Variants in CSMD1 observed in about 807,000 individuals in gnomAD.
The protein encoded by CSMD1 is CUB and Sushi multiple domains 1, also known as CUB and sushi domain-containing protein 1.
In CSMD1, 213 loss-of-function variants were observed where a neutral mutation model predicts 417.5. The ratio of observed to expected loss-of-function variants is 0.51; its 90% CI spans 0.46 to 0.57. The LOEUF (loss-of-function observed/expected upper bound fraction) is 0.57, where lower values mean the gene tolerates loss of function less well. Ranked by LOEUF, CSMD1 falls within the 20% of genes least tolerant of loss-of-function variation. CSMD1 has a pLI of 0.00. For synonymous variants in CSMD1, 2,862 were observed against 1,736.8 expected (o/e 1.65, Z -16.11); for missense variants, 6,923 against 4,529.7 (o/e 1.53, Z -15.17).
At chr8:4,665,549 G>C (rs62484564) in intron 1 of CSMD1, among the ~76,000 whole-genome samples, 7,383 of 152,204 alleles carry the variant, frequency 0.049, 232 homozygotes, top group Middle Eastern at 0.11. Context: ...CTGGTTATCA[G>C]TGATATGATT....
chr8:4,147,324 C>T (rs1361395637), intron 3 of CSMD1, among the ~76,000 whole-genome samples: 1 of 152,248 alleles, frequency 6.6e-6, no homozygotes, highest in South Asian at 2.1e-4. Context: ...CTTCTGTATG[C>T]TCACCTGTCT....
At chr8:3,748,683 C>T (rs1797173476) in intron 6 of CSMD1, among the ~76,000 whole-genome samples, 1 of 152,196 alleles carries the variant, frequency 6.6e-6, no homozygotes, top group African/African-American at 2.4e-5. Flanking sequence ...ATGGGGAATG[C>T]ATACGTTTTA....
intron 10 of CSMD1, among the ~76,000 whole-genome samples, chr8:3,537,687 G>C (rs887425707): frequency 6.6e-6 from 1 of 151,962 alleles, no homozygotes; most frequent in Non-Finnish European, 1.5e-5. Context: ...ACAATACTTT[G>C]TATTTGCAAA....
chr8:4,569,752 T>C (rs1798793382), intron 2 of CSMD1, among the ~76,000 whole-genome samples: 1 of 152,224 alleles, frequency 6.6e-6, no homozygotes, highest in Non-Finnish European at 1.5e-5. Context: ...TTTCACAATA[T>C]TGATTCTTTC....
At chr8:3,346,769 A>C (rs1808029653) in intron 22 of CSMD1, among the ~76,000 whole-genome samples, 1 of 152,188 alleles carries the variant, frequency 6.6e-6, no homozygotes, top group Non-Finnish European at 1.5e-5. Flanking sequence ...ATTCTCTTAG[A>C]AGTCTCATAG....
intron 12 of CSMD1, among the ~76,000 whole-genome samples, chr8:3,444,181 A>T (rs558524527): frequency 6.6e-6 from 1 of 152,186 alleles, no homozygotes. Context: ...TAATGTTGAA[A>T]TATCATTTGC....
intron 2 of CSMD1, among the ~76,000 whole-genome samples, chr8:4,468,790 A>G (rs913718546): frequency 6.6e-6 from 1 of 152,206 alleles, no homozygotes; most frequent in Non-Finnish European, 1.5e-5. Context: ...TGTTTTTCAT[A>G]TAATGGATAA....
rs1369205232 is a variant in CSMD1, at chr8:4,876,704, T to TATA, written c.85+117627_85+117628insTAT. ...TGCATATAGTCTCCTTCTGTGCTAA[T>TATA]TTCTAAGACAATATCATGACCTCTT... On this transcript the variant is annotated intron_variant, in intron 1 of 69. Transcript: ENST00000635120. Among the ~76,000 whole-genome samples, 11 of 152,214 alleles carry TATA rather than the reference T, an allele frequency of 7.2e-5. No individual in the cohort carries two copies. The East Asian group carries it at 1.7e-3, about 24-fold the overall frequency.
At chr8:4,979,407 G>A (rs567159819) in intron 1 of CSMD1, among the ~76,000 whole-genome samples, 1 of 152,286 alleles carries the variant, frequency 6.6e-6, no homozygotes, top group South Asian at 2.1e-4. Context: ...GCCACACTAT[G>A]AGGAGGAGAG....
intron 62 of CSMD1, among the ~76,000 whole-genome samples, chr8:2,959,019 T>C (rs1283393403): frequency 6.6e-6 from 1 of 152,234 alleles, no homozygotes; most frequent in Non-Finnish European, 1.5e-5. Flanking sequence ...TACAAATTTA[T>C]CTAAATGTCA....
chr8:3,758,536 T>C (rs1400549224), intron 5 of CSMD1, among the ~76,000 whole-genome samples: 2 of 152,196 alleles, frequency 1.3e-5, no homozygotes, highest in Admixed American at 6.5e-5. Context: ...ATAGCTCTCA[T>C]CTGACACAAA....
Position 4,561,814 on chromosome 8 carries a change from C to T in CSMD1, c.302+75528G>A, listed in dbSNP as rs557247489. 1.2e-3 allele frequency among the ~76,000 whole-genome samples: 177 copies of T among 152,176 alleles called. 1 individual carries two copies. Among genetic ancestry groups the T allele is most frequent in the Non-Finnish European group, 1.2e-3 (85 of 68,038 alleles). On this transcript the variant is annotated intron_variant, in intron 2 of 69. Coordinates refer to ENST00000635120, the MANE Select transcript of CSMD1 (RefSeq NM_033225.6). ...TGATGAGGCAGAGGTTATGAACATA[C>T]CTGTTGACTGCTGAGGGGATGGAGT...
intron 11 of CSMD1, among the ~76,000 whole-genome samples, chr8:3,489,235 G>C (rs1191796893): frequency 6.6e-6 from 1 of 152,144 alleles, no homozygotes; most frequent in Admixed American, 6.5e-5. Context: ...CAGCAAAAAT[G>C]GATTAATCCA....
chr8:4,424,026 C>T (rs1014583298), intron 2 of CSMD1, among the ~76,000 whole-genome samples: 3 of 151,800 alleles, frequency 2.0e-5, no homozygotes, highest in African/African-American at 7.3e-5. Flanking sequence ...AAGTTTAACA[C>T]CTTATATAAA....
intron 7 of CSMD1, among the ~76,000 whole-genome samples, chr8:3,695,831 T>C (rs1181348090): frequency 6.6e-6 from 1 of 152,224 alleles, no homozygotes; most frequent in Admixed American, 6.5e-5. Context: ...TAAAATAGCA[T>C]TATTTGTTTC....
Position 3,275,024 on chromosome 8 carries a change from T to G in CSMD1, c.4153+9120A>C, listed in dbSNP as rs1382096226. The stretch of plus-strand genomic sequence containing the variant: ...AGTTGATGCAGTTTCTTCCTAGCCT[T>G]GATGGTCTTTACAATTTGGCATGAT... On this transcript the variant is annotated intron_variant, in intron 26 of 69. Coordinates refer to ENST00000635120, the MANE Select transcript of CSMD1 (RefSeq NM_033225.6). 8.6e-5 allele frequency among the ~76,000 whole-genome samples: 12 copies of G among 138,922 alleles called. No homozygotes were observed. In the Admixed American group the frequency reaches 8.8e-4, roughly 10 times the overall value. 91.1% of individuals were successfully genotyped at this position (138,922 alleles called of 152,430 possible).
intron 2 of CSMD1, among the ~76,000 whole-genome samples, chr8:4,476,883 G>A (rs994446751): frequency 2.6e-5 from 4 of 152,132 alleles, no homozygotes; most frequent in Admixed American, 1.3e-4. Context: ...AGGCTTTTTT[G>A]TGAAGGAAAA....
intron 3 of CSMD1, among the ~76,000 whole-genome samples, chr8:4,195,464 A>G (rs961709624): frequency 1.1e-4 from 16 of 152,188 alleles, no homozygotes; most frequent in Non-Finnish European, 1.9e-4. Context: ...GTACAGCCTT[A>G]ATGTGCTCCT....
intron 3 of CSMD1, among the ~76,000 whole-genome samples, chr8:4,329,898 G>T (rs534217874): frequency 1.3e-5 from 2 of 151,524 alleles, no homozygotes; most frequent in South Asian, 4.2e-4. Context: ...TTTCTCTCTT[G>T]TTCCTGCTCT....
Sources: allele counts gnomAD v4.1 joint callset (sites outside exome capture counted in the v4.1 genomes callset), GRCh38; gene constraint gnomAD v4.1.1; transcripts MANE v1.5; gene names NCBI Gene and HGNC (gene_info 2026-07-23, HGNC 2026-07-21).